Variants in FRMD5 observed in about 807,000 individuals in gnomAD.
FRMD5 encodes FERM domain containing 5.
In FRMD5, 20 loss-of-function variants were observed where a neutral mutation model predicts 69.0. That is an observed-to-expected ratio of 0.29 (90% CI 0.20 to 0.42). FRMD5 has a LOEUF of 0.42. FRMD5 is among the 10% of genes least tolerant of loss of function. FRMD5 has a pLI of 1.00. For missense variants in FRMD5, 595 were observed against 708.6 expected (o/e 0.84, Z 1.82); for synonymous variants, 271 against 260.1 (o/e 1.04, Z -0.40).
chr15:44,183,412 G>T (rs2078044401), intron 1 of FRMD5, among the ~76,000 whole-genome samples: 1 of 152,178 alleles, frequency 6.6e-6, no homozygotes, highest in Non-Finnish European at 1.5e-5. Context: ...CCACTCCACA[G>T]GAAGGTAAAA....
intron 2 of FRMD5, among the ~76,000 whole-genome samples, chr15:43,923,336 C>CTATA (rs1358680291): frequency 6.6e-6 from 1 of 152,136 alleles, no homozygotes; most frequent in Non-Finnish European, 1.5e-5. Context: ...GTAATAAGTG[C>CTATA]TATAACAGGG....
chr15:43,920,358 C>A (rs531486847), intron 2 of FRMD5, among the ~76,000 whole-genome samples: 1 of 152,218 alleles, frequency 6.6e-6, no homozygotes, highest in Admixed American at 6.5e-5. Flanking sequence ...AAATTGCCAA[C>A]CCTTGTGTTA....
At chr15:43,991,286 A>G (rs1889663995) in intron 1 of FRMD5, among the ~76,000 whole-genome samples, 1 of 152,162 alleles carries the variant, frequency 6.6e-6, no homozygotes. Flanking sequence ...AGGGCATTAG[A>G]TTATGGAGTG....
At chr15:44,026,408 A>C (rs1297492173) in intron 1 of FRMD5, among the ~76,000 whole-genome samples, 2 of 152,252 alleles carry the variant, frequency 1.3e-5, no homozygotes, top group African/African-American at 4.8e-5. Context: ...ATTAAAATAC[A>C]CTAGATTAAC....
intron 1 of FRMD5, among the ~76,000 whole-genome samples, chr15:44,189,587 C>T (rs1216016409): frequency 1.3e-5 from 2 of 151,634 alleles, no homozygotes; most frequent in African/African-American, 4.9e-5. Context: ...CTCCCGGGTT[C>T]AAGCAATTCT....
At chr15:44,143,538 G>C (rs966636664) in intron 1 of FRMD5, among the ~76,000 whole-genome samples, 13 of 151,604 alleles carry the variant, frequency 8.6e-5, no homozygotes, top group African/African-American at 2.9e-4. Context: ...CCATTAATAA[G>C]ATATTATGAG....
At chr15:44,143,917 C>G (rs1362027000) in intron 1 of FRMD5, among the ~76,000 whole-genome samples, 3 of 94,922 alleles carry the variant, frequency 3.2e-5, no homozygotes, top group South Asian at 4.9e-4. Context: ...GACTGAGACT[C>G]TGTCACCAAA....
At chr15:44,035,964 C>T (rs1228225081) in intron 1 of FRMD5, among the ~76,000 whole-genome samples, 1 of 152,096 alleles carries the variant, frequency 6.6e-6, no homozygotes, top group South Asian at 2.1e-4. Flanking sequence ...ACAGATCTTC[C>T]TCGTAGTAAA....
intron 1 of FRMD5, among the ~76,000 whole-genome samples, chr15:44,027,222 T>C (rs1259982907): frequency 6.6e-6 from 1 of 152,150 alleles, no homozygotes; most frequent in Non-Finnish European, 1.5e-5. Flanking sequence ...TTCTATCCTT[T>C]AATTACTAAT....
intron 1 of FRMD5, among the ~76,000 whole-genome samples, chr15:44,164,269 G>GT (rs2140508555): frequency 6.6e-6 from 1 of 152,162 alleles, no homozygotes; most frequent in East Asian, 1.9e-4. Context: ...TTCTAATAGT[G>GT]TACTATTTTT....
intron 8 of FRMD5, among the ~76,000 whole-genome samples, chr15:43,891,264 G>A (rs2088787031): frequency 6.6e-6 from 1 of 152,216 alleles, no homozygotes; most frequent in Non-Finnish European, 1.5e-5. Flanking sequence ...GCATGCAGCA[G>A]AACAGACCCC....
intron 7 of FRMD5, 21 bp from the exon 8 acceptor site, chr15:43,892,090 T>A (rs547848754): frequency 6.2e-7 from 1 of 1,609,222 alleles, no homozygotes; most frequent in East Asian, 2.2e-5. Flanking sequence ...GAAAGACTTC[T>A]CATCGGGTGA....
At chr15:43,937,069 A>T (rs1166119638) in intron 1 of FRMD5, among the ~76,000 whole-genome samples, 1 of 152,194 alleles carries the variant, frequency 6.6e-6, no homozygotes, top group Non-Finnish European at 1.5e-5. Context: ...GGTCATGTGG[A>T]GCAGGATTTA....
chr15:43,962,588 G>A (rs1164535995), intron 1 of FRMD5, among the ~76,000 whole-genome samples: 6 of 152,068 alleles, frequency 3.9e-5, no homozygotes, highest in Non-Finnish European at 5.9e-5. Flanking sequence ...AACAGAGCCC[G>A]CATTGCCAAG....
intron 1 of FRMD5, among the ~76,000 whole-genome samples, chr15:44,146,865 G>A (rs2077364879): frequency 6.6e-6 from 1 of 152,010 alleles, no homozygotes; most frequent in Admixed American, 6.5e-5. Context: ...TTGTACATTT[G>A]TTTAAGTTCC....
intron 1 of FRMD5, among the ~76,000 whole-genome samples, chr15:44,159,137 T>C (rs1339591086): frequency 6.6e-6 from 1 of 152,174 alleles, no homozygotes; most frequent in Non-Finnish European, 1.5e-5. Flanking sequence ...CTGTTTGGGA[T>C]GATGAAAACA....
intron 1 of FRMD5, among the ~76,000 whole-genome samples, chr15:44,058,559 G>A (rs1050189949): frequency 1.3e-5 from 2 of 152,080 alleles, no homozygotes; most frequent in African/African-American, 2.4e-5. Flanking sequence ...GGCCGAGGTG[G>A]GCAGATCACA....
At chr15:44,087,478 C>T (rs760523012) in intron 1 of FRMD5, among the ~76,000 whole-genome samples, 12 of 152,168 alleles carry the variant, frequency 7.9e-5, no homozygotes, top group South Asian at 6.2e-4. Context: ...CAAAACATTA[C>T]GGCACATTCT....
intron 1 of FRMD5, among the ~76,000 whole-genome samples, chr15:44,139,853 G>A (rs1035003240): frequency 4.6e-5 from 7 of 151,784 alleles, no homozygotes; most frequent in Non-Finnish European, 7.4e-5. Context: ...TGAAGCAATG[G>A]CAGATACAAT....
Sources: gnomAD v4.1 joint callset for allele counts (sites outside exome capture counted in the v4.1 genomes callset) on GRCh38, gnomAD v4.1.1 for gene constraint, MANE v1.5 for transcripts, NCBI Gene and HGNC (gene_info 2026-07-23, HGNC 2026-07-21) for gene names.